The following TMC7 variants were observed in gnomAD, a reference collection of about 807,000 sequenced individuals.
TMC7 encodes the protein transmembrane channel like 7.
A neutral mutation model predicts 82.9 loss-of-function variants in TMC7; 54 were observed. The observed-to-expected ratio is 0.65, with a 90% CI of 0.52 to 0.82. The LOEUF (loss-of-function observed/expected upper bound fraction) is 0.82, where lower values mean the gene tolerates loss of function less well. Ranked by LOEUF, TMC7 falls within the 40% of genes least tolerant of loss-of-function variation. TMC7 has a pLI of 0.00. For synonymous variants in TMC7, 350 were observed against 337.9 expected (o/e 1.04, Z -0.39); for missense variants, 820 against 901.2 (o/e 0.91, Z 1.15).
At chr16:19,009,967 T>G (rs966569991) in intron 2 of TMC7, among the ~76,000 whole-genome samples, 4 of 151,410 alleles carry the variant, frequency 2.6e-5, no homozygotes, top group Non-Finnish European at 5.9e-5. Flanking sequence ...AGAAGTTTCT[T>G]TCTTTCTTTC....
chr16:19,009,063 C>A, intron 1 of TMC7, 109 bp from the exon 2 acceptor site: 2 of 1,267,224 alleles, frequency 1.6e-6, no homozygotes, highest in Non-Finnish European at 1.1e-6. Flanking sequence ...GTCACTGACC[C>A]AGGCTAGTAA....
intron 1 of TMC7, among the ~76,000 whole-genome samples, chr16:18,987,629 G>A (rs925808867): frequency 4.6e-5 from 7 of 152,102 alleles, no homozygotes; most frequent in African/African-American, 1.7e-4. Context: ...CCTAGAATGT[G>A]GATGCCTTGG....
At chr16:18,985,435 A>G (rs1255924983) in intron 1 of TMC7, among the ~76,000 whole-genome samples, 1 of 152,180 alleles carries the variant, frequency 6.6e-6, no homozygotes, top group East Asian at 1.9e-4. Flanking sequence ...CTCAATATTA[A>G]TACTGCTTAT....
chr16:19,020,230 C>T (rs567806847), intron 3 of TMC7, among the ~76,000 whole-genome samples: 80 of 152,244 alleles, frequency 5.3e-4, no homozygotes, highest in Middle Eastern at 3.4e-3. Flanking sequence ...CAGCAAACAA[C>T]ATACTTAATG....
chr16:19,048,362 G>T (rs2142293728), intron 12 of TMC7, among the ~76,000 whole-genome samples: 1 of 152,132 alleles, frequency 6.6e-6, no homozygotes, highest in South Asian at 2.1e-4. Flanking sequence ...TGCTAATGAG[G>T]GATGTAGCCT....
At position 19,061,864 on chromosome 16, in the gene TMC7, G is replaced by A. The variant is rs1962026251; in HGVS notation, c.*21G>A. The A allele has an allele frequency of 6.2e-7, 1 of 1,608,760 alleles. No homozygotes were observed. Among genetic ancestry groups the A allele is most frequent in the Non-Finnish European group, 8.5e-7 (1 of 1,176,712 alleles). The stretch of plus-strand genomic sequence containing the variant: ...ACTAACTAGACTGAGCGTGAAGATG[G>A]TGCTGCCTGTTGCTTCTAAGCTGAC... On this transcript the variant is annotated 3_prime_UTR_variant, in exon 16 of 16. Transcript: ENST00000304381.
Position 18,984,116 on chromosome 16 carries a change from C to T in TMC7, c.53C>T (p.Pro18Leu). ...ALQPGRPSRQ[P>L]AVHPENLSLD... ...CAGCCCGGCAGGCCCAGCCGGCAGC[C>T]GGCGGTCCATCCAGGTAGGGCGGCA... The change falls in exon 1 of 16, where the codon CCG becomes CTG. Residue 18 changes from proline to leucine, a missense_variant. Physicochemically the swap from Pro to Leu is moderately conservative, Grantham distance 98. Coordinates refer to ENST00000304381, the MANE Select transcript of TMC7 (RefSeq NM_024847.4). 6.7e-7 allele frequency: 1 copy of T among 1,503,040 alleles called. No homozygotes were observed. The highest frequency in any genetic ancestry group is 8.8e-7 in the Non-Finnish European group (1 of 1,133,936). 93.1% of individuals were successfully genotyped at this position (1,503,040 alleles called of 1,614,324 possible). A position where few individuals can be genotyped will look rare whatever the true frequency, so the allele number is the denominator to read the frequency against.
At chr16:19,059,299 C>A (rs544276591) in intron 14 of TMC7, 117 bp from the exon 15 acceptor site, 4 of 1,511,798 alleles carry the variant, frequency 2.6e-6, no homozygotes, top group African/African-American at 2.8e-5. Context: ...GCCATCATGC[C>A]CAGCCTTCTT....
chr16:19,014,165 C>T (rs913344043), intron 2 of TMC7, among the ~76,000 whole-genome samples: 8 of 152,054 alleles, frequency 5.3e-5, no homozygotes, highest in African/African-American at 1.9e-4. Context: ...CACACCTGGC[C>T]GCACTCTTGC....
chr16:19,021,758 C>T lies in TMC7; in HGVS notation c.590C>T (p.Thr197Ile). The T allele has an allele frequency of 1.2e-6, 2 of 1,614,144 alleles. No individual in the cohort carries two copies. The highest frequency in any genetic ancestry group is 1.7e-6 in the Non-Finnish European group (2 of 1,180,024). The change falls in exon 4 of 16, where the codon ACC (threonine) becomes ATC (isoleucine). Residue 197 changes from threonine to isoleucine, a missense_variant. Thr to Ile is a moderately conservative substitution (Grantham distance 89). Transcript: ENST00000304381. Reference sequence around the variant, plus strand: ...GTCTTACTCACGAAATACAAGATCACCAACAGCAGCTTCGTGCTCATTCCT... The same window carrying T: ...GTCTTACTCACGAAATACAAGATCATCAACAGCAGCTTCGTGCTCATTCCT... Reference protein sequence around the residue: ...LPVLLTKYKITNSSFVLIPFK... With the variant: ...LPVLLTKYKIINSSFVLIPFK...
chr16:19,019,086 G>C (rs891554278), intron 3 of TMC7, among the ~76,000 whole-genome samples: 1 of 152,186 alleles, frequency 6.6e-6, no homozygotes, highest in African/African-American at 2.4e-5. Flanking sequence ...CTGACCTCAG[G>C]TGATCTGGCT....
rs746644870 is a variant in TMC7 at position 19,037,899 on chromosome 16, G to A, written c.1031G>A (p.Arg344Gln). 44 of 1,612,874 alleles carry A rather than the reference G, an allele frequency of 2.7e-5. No individual in the cohort carries two copies. The highest frequency in any genetic ancestry group is 9.9e-5 in the South Asian group (9 of 90,654). The change falls in exon 8 of 16, where the codon CGG (arginine) becomes CAG (glutamine). Residue 344 changes from arginine (R) to glutamine (Q), a missense_variant. Transcript: ENST00000304381. ...LRADLEEERM[R>Q]QKIAERTSEE... Reference sequence around the variant, plus strand: ...GCAGATCTGGAGGAAGAAAGAATGCGGCAGAAAATAGCAGAAAGGACCTCA... The same window carrying A: ...GCAGATCTGGAGGAAGAAAGAATGCAGCAGAAAATAGCAGAAAGGACCTCA...
intron 1 of TMC7, among the ~76,000 whole-genome samples, chr16:18,986,961 C>G (rs1463508428): frequency 6.6e-6 from 1 of 151,704 alleles, no homozygotes; most frequent in African/African-American, 2.4e-5. Flanking sequence ...TCCGCCACCA[C>G]GCCTGGCTAA....
At chr16:18,992,815 T>C (rs1434140070) in intron 1 of TMC7, among the ~76,000 whole-genome samples, 1 of 152,226 alleles carries the variant, frequency 6.6e-6, no homozygotes, top group African/African-American at 2.4e-5. Flanking sequence ...TTTCTACATA[T>C]GGCTAGCCAG....
chr16:18,988,548 C>T lies in TMC7; in HGVS notation c.67+4418C>T, dbSNP rs1008071171. Reference sequence around the variant, plus strand: ...TCAATCGATCTTCCTGCCTTGGTCTCCCAAAGTGCTGGGCCTACAGGCGTG... The same window carrying T: ...TCAATCGATCTTCCTGCCTTGGTCTTCCAAAGTGCTGGGCCTACAGGCGTG... On this transcript the variant is annotated intron_variant, in intron 1 of 15. Coordinates refer to ENST00000304381, the MANE Select transcript of TMC7 (RefSeq NM_024847.4). 4.4e-4 allele frequency among the ~76,000 whole-genome samples: 67 copies of T among 152,102 alleles called. 1 individual carries two copies. The highest frequency in any genetic ancestry group is 1.6e-4 in the Non-Finnish European group (11 of 68,022).
rs185601146 is a variant in TMC7, at chr16:18,985,358, A to C, written c.67+1228A>C. ...TGTTCCCAATGTCCAGAAGAAAAAA[A>C]AAATTTAGAAGAGACCCAAATCAGA... On this transcript the variant is annotated intron_variant, in intron 1 of 15. Coordinates refer to ENST00000304381, the MANE Select transcript of TMC7 (RefSeq NM_024847.4). 9.8e-4 allele frequency among the ~76,000 whole-genome samples: 149 copies of C among 152,334 alleles called. 1 individual carries two copies. The Middle Eastern group carries it at 0.01, about 10-fold the overall frequency.
chr16:19,048,195 T>G (rs926238525), intron 12 of TMC7, among the ~76,000 whole-genome samples: 2 of 151,636 alleles, frequency 1.3e-5, no homozygotes, highest in Non-Finnish European at 2.9e-5. Context: ...AGGCTGGTCT[T>G]GTACTCCAGG....
intron 13 of TMC7, among the ~76,000 whole-genome samples, chr16:19,054,976 G>A (rs61212864): frequency 0.015 from 2,306 of 152,034 alleles, 67 homozygotes; most frequent in African/African-American, 0.053. Context: ...TTGAACTCCC[G>A]ACCTCAAGTG....
At chr16:18,997,488 G>GC (rs1213751253) in intron 1 of TMC7, among the ~76,000 whole-genome samples, 3 of 151,920 alleles carry the variant, frequency 2.0e-5, no homozygotes. Context: ...TCCTGCCTTA[G>GC]CCCCCCAAGT....
Sources: gnomAD v4.1 joint callset for allele counts (sites outside exome capture counted in the v4.1 genomes callset) on GRCh38, gnomAD v4.1.1 for gene constraint, MANE v1.5 for transcripts, NCBI Gene and HGNC (gene_info 2026-07-23, HGNC 2026-07-21) for gene names.